Variants in RGS20 observed in about 807,000 individuals in gnomAD.
RGS20 encodes the protein regulator of G protein signaling 20, also known as gz-selective GTPase-activating protein.
In RGS20, 30 loss-of-function variants were observed where a neutral mutation model predicts 33.6. The observed-to-expected ratio is 0.89, with a 90% CI of 0.67 to 1.21. The LOEUF (loss-of-function observed/expected upper bound fraction) is 1.21. Ranked by LOEUF, RGS20 falls within the 50% of genes most tolerant of loss-of-function variation. The pLI is 0.00. For synonymous variants in RGS20, 208 were observed against 197.9 expected (o/e 1.05, Z -0.43); for missense variants, 472 against 502.4 (o/e 0.94, Z 0.58).
intron 2 of RGS20, among the ~76,000 whole-genome samples, chr8:53,915,108 C>T (rs1356617290): frequency 2.0e-5 from 3 of 150,978 alleles, no homozygotes; most frequent in African/African-American, 7.3e-5. Flanking sequence ...CGCGCCACTG[C>T]ACTTCCAGCC....
At chr8:53,928,298 T>C (rs1813859455) in intron 2 of RGS20, among the ~76,000 whole-genome samples, 1 of 152,132 alleles carries the variant, frequency 6.6e-6, no homozygotes, top group South Asian at 2.1e-4. Context: ...AAATGATCAC[T>C]CCCACCACCA....
rs6995122 is a variant in RGS20 at position 53,874,406 on chromosome 8, G to A, written c.166-4852G>A. Among the ~76,000 whole-genome samples the A allele has an allele frequency of 1.0e-4, 15 of 147,636 alleles. No individual in the cohort carries two copies. The East Asian group carries it at 1.6e-3, about 16-fold the overall frequency. ...TGTGTGTGTGTGTGTGTGTGTGCGCGCGCGTGTGCTTGCGTGCATCTGTGT... is the reference window on the plus strand; with the variant it reads ...TGTGTGTGTGTGTGTGTGTGTGCGCACGCGTGTGCTTGCGTGCATCTGTGT... On this transcript the variant is annotated intron_variant, in intron 1 of 5. Transcript: ENST00000297313.
At chr8:53,915,382 C>G (rs573518786) in intron 2 of RGS20, among the ~76,000 whole-genome samples, 1 of 151,326 alleles carries the variant, frequency 6.6e-6, no homozygotes, top group African/African-American at 2.5e-5. Flanking sequence ...ACCAGTTTTT[C>G]TTCTACAGGG....
intron 1 of RGS20, among the ~76,000 whole-genome samples, chr8:53,871,402 C>T (rs1333202004): frequency 6.6e-6 from 1 of 151,778 alleles, no homozygotes; most frequent in African/African-American, 2.4e-5. Context: ...GCAGGCCAGG[C>T]ACGGTGGGTT....
At chr8:53,889,095 G>C (rs774556695) in intron 2 of RGS20, among the ~76,000 whole-genome samples, 1 of 152,160 alleles carries the variant, frequency 6.6e-6, no homozygotes, top group Non-Finnish European at 1.5e-5. Context: ...TAAGTCCAGT[G>C]TATGTTTAGC....
chr8:53,873,778 A>T (rs1812130745), intron 1 of RGS20, among the ~76,000 whole-genome samples: 2 of 152,250 alleles, frequency 1.3e-5, no homozygotes, highest in South Asian at 4.1e-4. Context: ...TAGAAAAAAA[A>T]CTGTATTGCA....
chr8:53,949,046 ATATAAGATACAGTATATATTTATATATGC>A (rs1814625891), intron 4 of RGS20, among the ~76,000 whole-genome samples: 1 of 68,226 alleles, frequency 1.5e-5, no homozygotes, highest in Admixed American at 1.7e-4. Context: ...TATATATGCT[ATATAAGATACAGTATATATTTATATATGC>A]TATATAAGAT....
chr8:53,918,677 C>T lies in RGS20; in HGVS notation c.511-20899C>T, dbSNP rs577159683. Among the ~76,000 whole-genome samples the T allele has an allele frequency of 2.2e-4, 34 of 152,270 alleles. 1 individual carries two copies. The highest frequency in any genetic ancestry group is 9.7e-4 in the East Asian group (5 of 5,174). ...TGCTAGGATTACAGGCATGAGCCAC[C>T]GTGCCCAGCCTTCACTTAACATATT... On this transcript the variant is annotated intron_variant, in intron 2 of 5. Transcript: ENST00000297313.
At chr8:53,947,363 A>ATATATGATATAGTATATTTATATATGC (rs1814529599) in intron 4 of RGS20, among the ~76,000 whole-genome samples, 2 of 132,964 alleles carry the variant, frequency 1.5e-5, no homozygotes, top group African/African-American at 5.4e-5. Flanking sequence ...TATATATGCT[A>ATATATGATATAGTATATTTATATATGC]TATATAAGAT....
chr8:53,941,428 C>T (rs552706416), intron 3 of RGS20, among the ~76,000 whole-genome samples: 12 of 151,894 alleles, frequency 7.9e-5, no homozygotes, highest in Non-Finnish European at 1.6e-4. Flanking sequence ...AAAGGGCCTA[C>T]TTCAGAGGAA....
intron 4 of RGS20, among the ~76,000 whole-genome samples, chr8:53,950,620 G>GTT (rs942607346): frequency 4.9e-5 from 7 of 141,416 alleles, no homozygotes; most frequent in Admixed American, 1.4e-4. Context: ...TTAATGTTTT[G>GTT]TTTTTTTTTT....
intron 1 of RGS20, among the ~76,000 whole-genome samples, chr8:53,870,002 T>A (rs956548407): frequency 6.6e-6 from 1 of 152,170 alleles, no homozygotes; most frequent in Non-Finnish European, 1.5e-5. Flanking sequence ...CTTACCCAGA[T>A]GTTGGGCAGA....
chr8:53,878,572 C>T (rs776990566), intron 1 of RGS20, among the ~76,000 whole-genome samples: 14 of 152,176 alleles, frequency 9.2e-5, no homozygotes, highest in Non-Finnish European at 1.9e-4. Flanking sequence ...CTTGTAGTAG[C>T]AGCCCTAACA....
intron 1 of RGS20, among the ~76,000 whole-genome samples, chr8:53,878,758 C>T (rs1812263788): frequency 6.6e-6 from 1 of 152,174 alleles, no homozygotes; most frequent in African/African-American, 2.4e-5. Context: ...CTCTGTGCCT[C>T]TGGCAGGCAG....
At chr8:53,873,259 C>A (rs866587863) in intron 1 of RGS20, among the ~76,000 whole-genome samples, 22 of 152,296 alleles carry the variant, frequency 1.4e-4, no homozygotes, top group African/African-American at 5.3e-4. Context: ...GTACAGCCTG[C>A]AGAACCATGA....
chr8:53,879,812 C>G (rs560330655), intron 2 of RGS20: 1 of 465,082 alleles, frequency 2.2e-6, no homozygotes, highest in East Asian at 3.5e-5. Flanking sequence ...GGAAGACACT[C>G]CAAGCTACTT....
At chr8:53,881,201 C>T (rs527729627) in intron 2 of RGS20, 117 bp downstream of exon 1, 36 of 709,148 alleles carry the variant, frequency 5.1e-5, no homozygotes, top group Non-Finnish European at 7.1e-5. Flanking sequence ...CTCAGGGTGT[C>T]GCCGTTGCTG....
chr8:53,900,452 T>C (rs963807153), intron 2 of RGS20, among the ~76,000 whole-genome samples: 1 of 152,178 alleles, frequency 6.6e-6, no homozygotes, highest in Non-Finnish European at 1.5e-5. Flanking sequence ...TTGTTTACAA[T>C]CTTAAAACAC....
At chr8:53,904,031 T>C (rs1033428702) in intron 2 of RGS20, among the ~76,000 whole-genome samples, 1 of 152,042 alleles carries the variant, frequency 6.6e-6, no homozygotes, top group Admixed American at 6.6e-5. Context: ...TTGAGGATGA[T>C]GAGTTTTCTT....
Sources: allele counts gnomAD v4.1 joint callset (sites outside exome capture counted in the v4.1 genomes callset), GRCh38; gene constraint gnomAD v4.1.1; transcripts MANE v1.5; gene names NCBI Gene and HGNC (gene_info 2026-07-23, HGNC 2026-07-21).